The following INTS9 variants were observed in gnomAD, a reference collection of about 807,000 sequenced individuals.
The protein encoded by INTS9 is integrator complex subunit 9, also known as protein related to CPSF subunits of 74 kDa.
INTS9 carries 55 observed loss-of-function variants against 79.7 expected under a neutral mutation model. The ratio of observed to expected loss-of-function variants is 0.69; its 90% confidence interval spans 0.56 to 0.86. The LOEUF (loss-of-function observed/expected upper bound fraction) is 0.86. Among genes scored for constraint, INTS9 ranks in the 40% least tolerant of loss-of-function variants. The probability of loss-of-function intolerance (pLI) is 0.00; values close to 1 mark genes in which losing one functional copy is unlikely to be tolerated. For missense variants in INTS9, 721 were observed against 831.5 expected, an observed-to-expected ratio of 0.87 and a Z score of 1.64; for synonymous variants, 319 against 325.2, an observed-to-expected ratio of 0.98 and a Z score of 0.20.
chr8:28,788,724 A>G (rs1803759345), intron 10 of INTS9, among the ~76,000 whole-genome samples: 2 of 152,148 alleles, frequency 1.3e-5, no homozygotes, highest in African/African-American at 4.8e-5. Flanking sequence ...TGGCCCTCAC[A>G]CTCTTTTTAA....
chr8:28,787,932 A>T (rs775551761), intron 10 of INTS9, 43 bp from the exon 11 acceptor site: 1 of 1,452,332 alleles, frequency 6.9e-7, no homozygotes, highest in Non-Finnish European at 9.6e-7. Flanking sequence ...GGAAGAGCAT[A>T]CGGTGGCATC....
intron 8 of INTS9, among the ~76,000 whole-genome samples, chr8:28,802,832 A>C (rs1372714033): frequency 2.0e-5 from 3 of 151,902 alleles, no homozygotes; most frequent in African/African-American, 7.3e-5. Flanking sequence ...TCTAAAACTA[A>C]CCAGGCCTAG....
chr8:28,806,522 C>T (rs1258702864), intron 8 of INTS9, among the ~76,000 whole-genome samples: 4 of 152,060 alleles, frequency 2.6e-5, no homozygotes, highest in Non-Finnish European at 4.4e-5. Context: ...TTGAATAATG[C>T]AAAAAACTCA....
chr8:28,773,906 T>C (rs1405598008), intron 14 of INTS9, among the ~76,000 whole-genome samples: 6 of 152,176 alleles, frequency 3.9e-5, no homozygotes, highest in African/African-American at 9.7e-5. Flanking sequence ...TACTGCAACC[T>C]CTGCCTCCCG....
At chr8:28,791,957 C>G (rs1803943368) in intron 10 of INTS9, among the ~76,000 whole-genome samples, 1 of 152,154 alleles carries the variant, frequency 6.6e-6, no homozygotes, top group Non-Finnish European at 1.5e-5. Context: ...AAAACTGATA[C>G]AGTGATTCCA....
chr8:28,787,167 T>C (rs1323424736), intron 11 of INTS9, among the ~76,000 whole-genome samples: 1 of 152,188 alleles, frequency 6.6e-6, no homozygotes, highest in Non-Finnish European at 1.5e-5. Flanking sequence ...TAATATACCC[T>C]TGGGTGAAAA....
intron 8 of INTS9, among the ~76,000 whole-genome samples, chr8:28,809,814 C>G (rs1300786498): frequency 6.6e-6 from 1 of 152,068 alleles, no homozygotes; most frequent in African/African-American, 2.4e-5. Flanking sequence ...AGAATTCCGC[C>G]AGATGCAGGA....
rs1418641442 is a variant in INTS9, at chr8:28,768,217, T to C, written c.1906A>G (p.Ile636Val). ...IQIEEDSTHIICDNDEMLRVR... is the reference protein window; with the variant it reads ...IQIEEDSTHIVCDNDEMLRVR... ...CTGAGCATCTCGTCATTGTCGCAGA[T>C]GATATGGGTCGAGTCTTCTTCAATC... The change falls in exon 17 of 17, where the codon ATC becomes GTC. Residue 636 changes from isoleucine (I) to valine (V), a missense_variant. Transcript: ENST00000521022. 6.2e-7 allele frequency: 1 copy of C among 1,614,146 alleles called. No homozygotes were observed. The highest frequency in any genetic ancestry group is 8.5e-7 in the Non-Finnish European group (1 of 1,180,038).
chr8:28,838,133 G>T (rs550726959), intron 4 of INTS9, among the ~76,000 whole-genome samples: 2 of 152,050 alleles, frequency 1.3e-5, no homozygotes, highest in African/African-American at 4.8e-5. Context: ...GCATACAGGC[G>T]GCAAGCACAC....
chr8:28,887,570 A>T (rs1047560406), intron 1 of INTS9, among the ~76,000 whole-genome samples: 2 of 152,252 alleles, frequency 1.3e-5, no homozygotes, highest in African/African-American at 4.8e-5. Context: ...TTATAAATTT[A>T]AAACACAGCC....
At chr8:28,793,783 A>C (rs2665912) in intron 10 of INTS9, 24 bp downstream of exon 10, 534,594 of 1,409,828 alleles carry the variant, frequency 0.38, 55,042 homozygotes, top group Non-Finnish European at 0.41. Flanking sequence ...AATTCACAAA[A>C]AAAAAAAAAA....
At chr8:28,769,823 G>A in intron 16 of INTS9, 66 bp downstream of exon 16, 1 of 1,586,440 alleles carries the variant, frequency 6.3e-7, no homozygotes, top group East Asian at 2.2e-5. Flanking sequence ...CAGCCAGGGG[G>A]CCATAGTGAG....
chr8:28,790,450 C>T (rs573343147), intron 10 of INTS9, among the ~76,000 whole-genome samples: 2 of 152,288 alleles, frequency 1.3e-5, no homozygotes, highest in South Asian at 2.1e-4. Context: ...GCCTCAGCCT[C>T]CCGAGTAGCT....
chr8:28,840,888 A>AT (rs889561958), intron 4 of INTS9, among the ~76,000 whole-genome samples: 53 of 151,928 alleles, frequency 3.5e-4, no homozygotes, highest in Admixed American at 7.9e-4. Context: ...ACATGTATAC[A>AT]TATGTAACTA....
At chr8:28,849,530 T>C (rs1807707784) in intron 3 of INTS9, among the ~76,000 whole-genome samples, 1 of 152,042 alleles carries the variant, frequency 6.6e-6, no homozygotes, top group East Asian at 1.9e-4. Flanking sequence ...TTGTCCATTC[T>C]AGGCTATCAG....
At chr8:28,888,316 T>C (rs188269239) in intron 1 of INTS9, among the ~76,000 whole-genome samples, 190 of 152,192 alleles carry the variant, frequency 1.2e-3, no homozygotes, top group African/African-American at 4.3e-3. Flanking sequence ...CTTTGGAAGG[T>C]TGAGGTGGGC....
intron 6 of INTS9, among the ~76,000 whole-genome samples, chr8:28,819,852 T>C (rs1323763363): frequency 1.3e-5 from 2 of 152,220 alleles, no homozygotes; most frequent in Non-Finnish European, 2.9e-5. Flanking sequence ...TGGGTGCATA[T>C]ATATTTAGGA....
intron 11 of INTS9, among the ~76,000 whole-genome samples, chr8:28,785,682 A>G (rs1273701393): frequency 6.6e-6 from 1 of 152,154 alleles, no homozygotes; most frequent in Non-Finnish European, 1.5e-5. Context: ...TGGGAGCTAA[A>G]TGTGTTCCTC....
intron 11 of INTS9, 57 bp from the exon 12 acceptor site, chr8:28,781,051 A>G (rs553903806): frequency 1.4e-6 from 2 of 1,442,826 alleles, no homozygotes; most frequent in East Asian, 4.8e-5. Flanking sequence ...TGAAGGGGGA[A>G]CCAAAGTACG....
Sources: gnomAD v4.1 joint callset for allele counts (sites outside exome capture counted in the v4.1 genomes callset) on GRCh38, gnomAD v4.1.1 for gene constraint, MANE v1.5 for transcripts, NCBI Gene and HGNC (gene_info 2026-07-23, HGNC 2026-07-21) for gene names.